SLC25A46: variants seen among roughly 807,000 people sequenced by gnomAD.
The protein encoded by SLC25A46 is solute carrier family 25 member 46, also known as mitochondrial outer membrane protein SLC25A46.
In SLC25A46, 39 loss-of-function variants were observed where a neutral mutation model predicts 44.6. The observed-to-expected ratio is 0.87, with a 90% CI of 0.68 to 1.14. The LOEUF is 1.14. Among genes scored for constraint, SLC25A46 ranks in the 50% most tolerant of loss-of-function variants. The probability of loss-of-function intolerance (pLI) is 0.00; values close to 1 mark genes in which losing one functional copy is unlikely to be tolerated. For missense variants in SLC25A46, 547 were observed against 522.7 expected (o/e 1.05, Z -0.45); for synonymous variants, 202 against 185.8 (o/e 1.09, Z -0.71).
intron 1 of SLC25A46, 55 bp downstream of exon 1, chr5:110,739,457 C>T (rs544814906): frequency 2.7e-6 from 4 of 1,496,096 alleles, no homozygotes; most frequent in African/African-American, 1.4e-5. Flanking sequence ...CCGCGGCTTG[C>T]GGCCTGCAGA....
At chr5:110,751,458 T>G (rs456236) in intron 5 of SLC25A46, among the ~76,000 whole-genome samples, 45,285 of 151,984 alleles carry the variant, frequency 0.3, 8,389 homozygotes, top group Non-Finnish European at 0.41. Context: ...AGAATTCAGG[T>G]GTAACTGAGA....
intron 5 of SLC25A46, among the ~76,000 whole-genome samples, chr5:110,748,683 G>A (rs1045721460): frequency 3.3e-5 from 5 of 152,172 alleles, no homozygotes; most frequent in Non-Finnish European, 5.9e-5. Flanking sequence ...ATGTGGGTAT[G>A]TGAGCAATTC....
chr5:110,738,538 A>T (rs72773192), upstream of SLC25A46, among the ~76,000 whole-genome samples: 1 of 152,004 alleles, frequency 6.6e-6, no homozygotes, highest in Non-Finnish European at 1.5e-5. Flanking sequence ...GCGGTACCAT[A>T]TCTCTCAATA....
Position 110,760,076 on chromosome 5 carries a change from T to G in SLC25A46, c.679-1128T>G, listed in dbSNP as rs116407787. On this transcript the variant is annotated intron_variant, in intron 7 of 7. Coordinates refer to ENST00000355943, the MANE Select transcript of SLC25A46 (RefSeq NM_138773.4). Reference sequence around the variant, plus strand: ...GAACTCCATTTGGAGTTAATTTACTTAACATTTCTGAACTCTTGATCTTCA... The same window carrying G: ...GAACTCCATTTGGAGTTAATTTACTGAACATTTCTGAACTCTTGATCTTCA... 7.2e-3 allele frequency among the ~76,000 whole-genome samples: 1,103 copies of G among 152,196 alleles called. 13 individuals are homozygous for G. Among genetic ancestry groups the G allele is most frequent in the African/African-American group, 0.025 (1,026 of 41,534 alleles).
At chr5:110,742,423 G>A (rs1799713978) in intron 2 of SLC25A46, among the ~76,000 whole-genome samples, 1 of 151,968 alleles carries the variant, frequency 6.6e-6, no homozygotes, top group Middle Eastern at 3.2e-3. Context: ...TTAGAATGGG[G>A]TTCATGAAGA....
intron 5 of SLC25A46, among the ~76,000 whole-genome samples, chr5:110,750,866 C>T (rs1799951185): frequency 6.6e-6 from 1 of 152,098 alleles, no homozygotes; most frequent in Admixed American, 6.5e-5. Flanking sequence ...AGTAATGTTG[C>T]CTCTCTAAAG....
intron 5 of SLC25A46, among the ~76,000 whole-genome samples, chr5:110,752,726 T>C (rs1315343985): frequency 6.6e-6 from 1 of 152,218 alleles, no homozygotes; most frequent in East Asian, 1.9e-4. Context: ...AGTTGGACTT[T>C]AGTACAAGTG....
At chr5:110,750,933 G>T (rs1022516783) in intron 5 of SLC25A46, among the ~76,000 whole-genome samples, 1 of 152,118 alleles carries the variant, frequency 6.6e-6, no homozygotes, top group Non-Finnish European at 1.5e-5. Flanking sequence ...AGAAAAATAG[G>T]AATGGGAAGG....
rs1214224172 is a variant in SLC25A46, at chr5:110,762,113, A to C, written c.*331A>C. Reference sequence around the variant, plus strand: ...AACTTTATAGAGTTGAATCTATTCCATCTGACTTCAATATTTGCCAAACGT... The same window carrying C: ...AACTTTATAGAGTTGAATCTATTCCCTCTGACTTCAATATTTGCCAAACGT... On this transcript the variant is annotated 3_prime_UTR_variant, in exon 8 of 8. Coordinates refer to ENST00000355943, the MANE Select transcript of SLC25A46 (RefSeq NM_138773.4). The C allele has an allele frequency of 9.1e-6, 2 of 220,728 alleles. No homozygotes were observed. The highest frequency in any genetic ancestry group is 4.7e-5 in the African/African-American group (2 of 42,760). The allele number at this position is 220,728 out of a possible 1,614,324, so 13.7% of individuals were successfully genotyped here. A position where few individuals can be genotyped will look rare whatever the true frequency, so the allele number is the denominator to read the frequency against.
In SLC25A46 at chr5:110,765,093, C is replaced by A. The variant is rs1169894684; in HGVS notation, c.*3311C>A. On this transcript the variant is annotated 3_prime_UTR_variant, in exon 8 of 8. Coordinates refer to ENST00000355943, the MANE Select transcript of SLC25A46 (RefSeq NM_138773.4). ...CTTTTTTTTTTTTAAGTTTGTCTTACTGTTACTTTAAATGTTTTGGGTAAA... is the reference window on the plus strand; with the variant it reads ...CTTTTTTTTTTTTAAGTTTGTCTTAATGTTACTTTAAATGTTTTGGGTAAA... 1 of 150,348 alleles carries A rather than the reference C, an allele frequency of 6.7e-6. No individual in the cohort carries two copies. The highest frequency in any genetic ancestry group is 6.6e-5 in the Admixed American group (1 of 15,054). 9.3% of individuals were successfully genotyped at this position (150,348 alleles called of 1,614,324 possible).
Position 110,739,101 on chromosome 5 carries a change from T to G in SLC25A46, c.-19T>G. The stretch of plus-strand genomic sequence containing the variant: ...GTGGTGGGCTCCGGGCGGGCTCGCG[T>G]CATCCTGCCCCCGCTGCGATGCATC... On this transcript the variant is annotated 5_prime_UTR_variant, in exon 1 of 8. Transcript: ENST00000355943. The G allele has an allele frequency of 6.5e-7, 1 of 1,542,814 alleles. No individual in the cohort carries two copies. Among genetic ancestry groups the G allele is most frequent in the South Asian group, 1.2e-5 (1 of 83,874 alleles).
chr5:110,738,388 C>A, upstream of SLC25A46: 2 of 535,194 alleles, frequency 3.7e-6, no homozygotes, highest in Non-Finnish European at 5.0e-6. Context: ...AGTTTCTTTA[C>A]AGCCTTAGAA....
rs1038657907 is a variant in SLC25A46, at chr5:110,764,643, C to A, written c.*2861C>A. The A allele has an allele frequency of 1.3e-5, 2 of 151,718 alleles. No homozygotes were observed. The highest frequency in any genetic ancestry group is 4.8e-5 in the African/African-American group (2 of 41,342). The allele number at this position is 151,718 out of a possible 1,614,324, so 9.4% of individuals were successfully genotyped here. A position where few individuals can be genotyped will look rare whatever the true frequency, so the allele number is the denominator to read the frequency against. On this transcript the variant is annotated 3_prime_UTR_variant, in exon 8 of 8. Coordinates refer to ENST00000355943, the MANE Select transcript of SLC25A46 (RefSeq NM_138773.4). ...GAGTACAAATGCTTTAGTGTTTCTA[C>A]CTAAGTATTAGTACATCTGTTCAGG...
At chr5:110,760,700 C>T (rs2150418633) in intron 7 of SLC25A46, among the ~76,000 whole-genome samples, 1 of 152,220 alleles carries the variant, frequency 6.6e-6, no homozygotes, top group Middle Eastern at 3.4e-3. Context: ...TTGAGTGACT[C>T]CTGAGTGCCA....
In SLC25A46 at chr5:110,761,313, C is replaced by A. The variant is rs1800243458; in HGVS notation, c.788C>A (p.Ser263Tyr). 6.2e-7 allele frequency: 1 copy of A among 1,613,690 alleles called. No individual in the cohort carries two copies. The highest frequency in any genetic ancestry group is 8.5e-7 in the Non-Finnish European group (1 of 1,179,818). The change falls in exon 8 of 8, where the codon TCC (serine) becomes TAC (tyrosine). Residue 263 changes from serine (S) to tyrosine (Y), a missense_variant. By Grantham distance (144) the Ser-to-Tyr change is moderately radical. Coordinates refer to ENST00000355943, the MANE Select transcript of SLC25A46 (RefSeq NM_138773.4). The surrounding 1 kb of genome is among the most constrained non-coding windows in gnomAD (Gnocchi z 5.3). ...AGCAAACGACTTCTTCCGCTTCTTT[C>A]CTTGATCTTCCCTACGGTGCTTCAT... ...PHSKRLLPLL[S>Y]LIFPTVLHGV...
chr5:110,756,670 G>T (rs762187673), intron 6 of SLC25A46, 32 bp from the exon 7 acceptor site: 4 of 1,460,556 alleles, frequency 2.7e-6, no homozygotes, highest in Non-Finnish European at 3.7e-6. Context: ...TCTTGTTTCA[G>T]TATACTGATA....
rs539229853 is a variant in SLC25A46, at chr5:110,756,765, CT to C, written c.678+14del. On this transcript the variant is annotated splice_region_variant and intron_variant, in intron 7 of 7. Coordinates refer to ENST00000355943, the MANE Select transcript of SLC25A46 (RefSeq NM_138773.4). ...GTCTGATTGAAACAGTGCAGGTGAG[CT>C]TTTTTTTACTGTCATTTTTTTTTTA... The C allele has an allele frequency of 6.0e-5, 90 of 1,494,102 alleles. No homozygotes were observed. The highest frequency in any genetic ancestry group is 4.4e-4 in the East Asian group (18 of 41,278). 92.6% of individuals were successfully genotyped at this position (1,494,102 alleles called of 1,614,324 possible).
At chr5:110,745,355 G>T (rs550349375) in intron 3 of SLC25A46, among the ~76,000 whole-genome samples, 1 of 152,040 alleles carries the variant, frequency 6.6e-6, no homozygotes, top group Non-Finnish European at 1.5e-5. Flanking sequence ...CTGGGTTCAC[G>T]CCATTCTCCT....
intron 6 of SLC25A46, among the ~76,000 whole-genome samples, chr5:110,755,802 C>T (rs551864421): frequency 6.6e-6 from 1 of 152,148 alleles, no homozygotes; most frequent in South Asian, 2.1e-4. Flanking sequence ...ATTTATTTAA[C>T]CCAGATTTTC....
Sources: gnomAD v4.1 joint callset for allele counts (sites outside exome capture counted in the v4.1 genomes callset) on GRCh38, gnomAD v4.1.1 for gene constraint, Gnocchi (gnomAD v3.1) non-coding constraint, MANE v1.5 for transcripts, NCBI Gene and HGNC (gene_info 2026-07-23, HGNC 2026-07-21) for gene names.